The following P2RX5 variants were observed in gnomAD, a reference collection of about 807,000 sequenced individuals.
P2RX5 encodes purinergic receptor P2X 5.
A neutral mutation model predicts 54.1 loss-of-function variants in P2RX5; 46 were observed. The ratio of observed to expected loss-of-function variants is 0.85; its 90% CI spans 0.67 to 1.09. P2RX5 has a LOEUF of 1.09. P2RX5 is among the 50% of genes least tolerant of loss of function. P2RX5 has a pLI of 0.00. For missense variants in P2RX5, 566 were observed against 549.8 expected (o/e 1.03, Z -0.29); for synonymous variants, 226 against 226.4 (o/e 1.00, Z 0.02).
the P2RX5 span, among the ~76,000 whole-genome samples, chr17:3,704,417 C>G: frequency 2.0e-5 from 3 of 152,202 alleles, no homozygotes; most frequent in Non-Finnish European, 2.9e-5. Context: ...GCAACTCGCC[C>G]TTTTCCTTTT....
At chr17:3,709,442 C>T in the P2RX5 span, among the ~76,000 whole-genome samples, 2 of 152,210 alleles carry the variant, frequency 1.3e-5, no homozygotes, top group Non-Finnish European at 2.9e-5. Context: ...AATTTAGGTG[C>T]ATCCTCCTGA....
chr17:3,720,863 G>A, the P2RX5 span, among the ~76,000 whole-genome samples: 7 of 151,602 alleles, frequency 4.6e-5, 1 homozygote, highest in East Asian at 7.8e-4. Flanking sequence ...GATTACAGGC[G>A]TGAGCTGCCG....
At chr17:3,719,234 T>TAAA in the P2RX5 span, among the ~76,000 whole-genome samples, 6 of 34,824 alleles carry the variant, frequency 1.7e-4, no homozygotes, top group African/African-American at 7.3e-4. Flanking sequence ...AGATTCTTCC[T>TAAA]CAAAAAAAAA....
chr17:3,704,505 G>A, the P2RX5 span, among the ~76,000 whole-genome samples: 2 of 152,126 alleles, frequency 1.3e-5, no homozygotes, highest in South Asian at 2.1e-4. Context: ...CATTATTAAC[G>A]CCATGTAAAT....
the P2RX5 span, among the ~76,000 whole-genome samples, chr17:3,722,070 T>C: frequency 3.3e-5 from 5 of 151,938 alleles, no homozygotes; most frequent in Non-Finnish European, 5.9e-5. Context: ...TCCCAGCTAC[T>C]TGGGAGGCTG....
the P2RX5 span, chr17:3,723,229 A>T: frequency 8.9e-7 from 1 of 1,120,726 alleles, no homozygotes; most frequent in Non-Finnish European, 1.4e-6. Flanking sequence ...TATCTCTTCT[A>T]GGGGCGATGC....
At chr17:3,701,998 C>T in the P2RX5 span, among the ~76,000 whole-genome samples, 8 of 151,978 alleles carry the variant, frequency 5.3e-5, no homozygotes, top group African/African-American at 1.2e-4. Flanking sequence ...AGGCTGGTCT[C>T]GAACTCCTGG....
At chr17:3,680,399 A>G (rs376389811) in intron 10 of P2RX5, among the ~76,000 whole-genome samples, 695 of 29,030 alleles carry the variant, frequency 0.024, 1 homozygote, top group East Asian at 0.048. Flanking sequence ...TCCACCCTGC[A>G]TCCTCCACCC....
chr17:3,712,016 G>C, the P2RX5 span, among the ~76,000 whole-genome samples: 6 of 151,700 alleles, frequency 4.0e-5, no homozygotes, highest in Non-Finnish European at 8.8e-5. Flanking sequence ...TAACAAACAG[G>C]CTTCCCAGTG....
intron 3 of P2RX5, 85 bp downstream of exon 3, chr17:3,690,871 A>G: frequency 7.7e-7 from 1 of 1,297,922 alleles, no homozygotes; most frequent in Non-Finnish European, 1.1e-6. Flanking sequence ...GAGTGGACAG[A>G]CACCCTTGCT....
chr17:3,702,163 G>C, the P2RX5 span, among the ~76,000 whole-genome samples: 1 of 151,972 alleles, frequency 6.6e-6, no homozygotes, highest in South Asian at 2.1e-4. Flanking sequence ...GCACCAATCA[G>C]TACTCTGTGT....
chr17:3,718,743 G>A, the P2RX5 span, among the ~76,000 whole-genome samples: 1 of 152,156 alleles, frequency 6.6e-6, no homozygotes, highest in African/African-American at 2.4e-5. Flanking sequence ...AAACTTAATA[G>A]TAACTCCTCC....
At chr17:3,701,689 T>A in the P2RX5 span, among the ~76,000 whole-genome samples, 1 of 59,424 alleles carries the variant, frequency 1.7e-5, no homozygotes, top group Non-Finnish European at 3.6e-5. Flanking sequence ...AGTGAAACTC[T>A]GTCTCAGAAA....
Position 3,681,931 on chromosome 17 carries a change from T to C in P2RX5, c.1029A>G (p.Arg343=). The C allele has an allele frequency of 1.2e-6, 2 of 1,613,768 alleles. No individual in the cohort carries two copies. The highest frequency in any genetic ancestry group is 1.7e-6 in the Non-Finnish European group (2 of 1,179,766). The change falls in exon 10 of 12, where the codon AGA becomes AGG. Residue 343 remains arginine, a synonymous_variant. Transcript: ENST00000225328. The part of the protein sequence containing the change: ...DLVLIYLIKK[R]EFYRDKKYEE... ...CGTACTTCTTGTCACGGTAAAACTC[T>C]CTCTTTTTGATGAGGTAGATGAGTA... is the stretch of plus-strand genomic sequence containing the variant.
intron 5 of P2RX5, 36 bp downstream of exon 5, chr17:3,690,391 G>T: frequency 1.3e-6 from 2 of 1,519,712 alleles, no homozygotes; most frequent in South Asian, 1.1e-5. Context: ...ACGGGGCTGG[G>T]AAACCCCTCA....
intron 9 of P2RX5, chr17:3,682,188 C>G: frequency 1.7e-6 from 1 of 603,760 alleles, no homozygotes; most frequent in Non-Finnish European, 3.0e-6. Flanking sequence ...CTGGAGCTCC[C>G]CCGATCCCAC....
chr17:3,710,852 C>A, the P2RX5 span, among the ~76,000 whole-genome samples: 1 of 151,708 alleles, frequency 6.6e-6, no homozygotes, highest in Admixed American at 6.6e-5. Flanking sequence ...CGATTGAACC[C>A]AGAAGGCGGA....
the P2RX5 span, chr17:3,717,994 C>T: frequency 1.3e-5 from 2 of 152,232 alleles, no homozygotes; most frequent in Non-Finnish European, 2.9e-5. Context: ...AAAGCCACCT[C>T]CCTTTATCTT....
chr17:3,697,661 A>G (rs978246610), upstream of P2RX5, among the ~76,000 whole-genome samples: 13 of 152,130 alleles, frequency 8.5e-5, no homozygotes, highest in Non-Finnish European at 1.8e-4. Flanking sequence ...CTGCCCCTCA[A>G]ATTTTCATTC....
Sources: gnomAD v4.1 joint callset for allele counts (sites outside exome capture counted in the v4.1 genomes callset) on GRCh38, gnomAD v4.1.1 for gene constraint, MANE v1.5 for transcripts, NCBI Gene and HGNC (gene_info 2026-07-23, HGNC 2026-07-21) for gene names.